Variants in MUC6 observed in about 807,000 individuals in gnomAD.
MUC6 encodes mucin 6, oligomeric mucus/gel-forming (gene/pseudogene).
In MUC6, 188 loss-of-function variants were observed where a neutral mutation model predicts 201.5. That is an observed-to-expected ratio of 0.93 (90% CI 0.83 to 1.05). The LOEUF (loss-of-function observed/expected upper bound fraction) is 1.05. MUC6 is among the 50% of genes least tolerant of loss of function. MUC6 has a pLI of 0.00. For synonymous variants in MUC6, 1,228 were observed against 1,389.4 expected, an observed-to-expected ratio of 0.88 and a Z score of 2.58; for missense variants, 2,706 against 3,256.9, an observed-to-expected ratio of 0.83 and a Z score of 4.12.
Position 1,024,942 on chromosome 11 carries a change from C to T in MUC6, c.3127G>A (p.Val1043Met), listed in dbSNP as rs756514181. ...GCATTGAGACTGCAGGGGTCTGTCA[C>T]GAAGCTCACGTCCCCGCACAGCGGG... ...ESPLCGDVSF[V>M]TDPCSLNAFR... Residue 1043 changes from valine to methionine, a missense_variant, in exon 24 of 33, where the codon GTG becomes ATG. By Grantham distance (21) the Val-to-Met change is conservative (BLOSUM62 1). Coordinates refer to ENST00000421673, the MANE Select transcript of MUC6 (RefSeq NM_005961.3). 70 of 1,612,886 alleles carry T rather than the reference C, an allele frequency of 4.3e-5. No individual in the cohort carries two copies. Among genetic ancestry groups the T allele is most frequent in the Admixed American group, 6.7e-5 (4 of 60,006 alleles).
intron 1 of MUC6, among the ~76,000 whole-genome samples, chr11:1,035,649 TG>T (rs1437934981): frequency 1.7e-5 from 2 of 120,382 alleles, no homozygotes; most frequent in African/African-American, 6.7e-5. Flanking sequence ...AGAGAAGGGG[TG>T]GGGTGGGCTT....
At chr11:1,035,005 CG>C (rs895775988) in intron 1 of MUC6, among the ~76,000 whole-genome samples, 2 of 152,238 alleles carry the variant, frequency 1.3e-5, no homozygotes, top group Non-Finnish European at 2.9e-5. Context: ...GGCATCTGGG[CG>C]GGTTGGTCCG....
intron 30 of MUC6, 72 bp downstream of exon 30, chr11:1,019,203 T>C: frequency 6.7e-7 from 1 of 1,485,300 alleles, no homozygotes. Context: ...TATGGCTGAA[T>C]CACTGAATGT....
At chr11:1,022,994 G>A (rs1856852803) in intron 26 of MUC6, among the ~76,000 whole-genome samples, 1 of 152,116 alleles carries the variant, frequency 6.6e-6, no homozygotes, top group Non-Finnish European at 1.5e-5. Flanking sequence ...ATGTGGGTGA[G>A]TAAATGTGTG....
chr11:1,019,965 C>T (rs775201816), intron 29 of MUC6, 125 bp downstream of exon 29: 52 of 1,264,652 alleles, frequency 4.1e-5, no homozygotes, highest in Middle Eastern at 1.8e-4. Context: ...GGAAGTTCTA[C>T]GCTGGGAATC....
In MUC6 at chr11:1,033,745, C is replaced by T. The variant is rs1201820084; in HGVS notation, c.53-670G>A. Reference sequence around the variant, plus strand: ...GCCAACACCCCCCACGTCCCACCCCCTGTACCCAGAGGGAGACTTTTCCCA... The same window carrying T: ...GCCAACACCCCCCACGTCCCACCCCTTGTACCCAGAGGGAGACTTTTCCCA... On this transcript the variant is annotated intron_variant, in intron 1 of 32. Coordinates refer to ENST00000421673, the MANE Select transcript of MUC6 (RefSeq NM_005961.3). This position sits in a 1 kb window ranked among gnomAD's most constrained non-coding sequence, Gnocchi z 5.6. Among the ~76,000 whole-genome samples the T allele has an allele frequency of 6.6e-6, 1 of 152,048 alleles. No homozygotes were observed. The highest frequency in any genetic ancestry group is 1.5e-5 in the Non-Finnish European group (1 of 67,950).
chr11:1,018,851 G>T, intron 30 of MUC6, 81 bp from the exon 31 acceptor site: 3 of 1,496,574 alleles, frequency 2.0e-6, no homozygotes, highest in Non-Finnish European at 2.7e-6. Context: ...TTTTGTCTAT[G>T]TGACCTTTTT....
At chr11:1,035,082 G>C (rs1226819208) in intron 1 of MUC6, among the ~76,000 whole-genome samples, 1 of 152,058 alleles carries the variant, frequency 6.6e-6, no homozygotes, top group Non-Finnish European at 1.5e-5. Flanking sequence ...CCTTCTGCAC[G>C]CTTGGCGGCC....
rs1370084498 is a variant in MUC6, at chr11:1,033,579, G to A, written c.53-504C>T. ...TCTAAACATGGCCGCTTTCCTGCAC[G>A]TCAGCCTTGAGACAGCCTTGATGTC... is the stretch of plus-strand genomic sequence containing the variant. On this transcript the variant is annotated intron_variant, in intron 1 of 32. Transcript: ENST00000421673. The surrounding 1 kb of genome is among the most constrained non-coding windows in gnomAD (Gnocchi z 5.6). 1.3e-5 allele frequency among the ~76,000 whole-genome samples: 2 copies of A among 152,070 alleles called. No homozygotes were observed. The highest frequency in any genetic ancestry group is 2.9e-5 in the Non-Finnish European group (2 of 67,974).
chr11:1,024,770 TCCCCGCCCCTTC>T, intron 24 of MUC6, 62 bp downstream of exon 24: 2 of 1,530,982 alleles, frequency 1.3e-6, no homozygotes, highest in East Asian at 4.8e-5. Flanking sequence ...GTGCCTGGCT[TCCCCGCCCCTTC>T]CCCCGCCCCC....
At chr11:1,036,284 G>A (rs1228170373) in intron 1 of MUC6, among the ~76,000 whole-genome samples, 3 of 152,154 alleles carry the variant, frequency 2.0e-5, no homozygotes, top group Admixed American at 1.3e-4. Context: ...CAGCACACCT[G>A]CCCACTGTTC....
rs950279662 is a variant in MUC6 at position 1,025,069 on chromosome 11, G to T, written c.3000C>A (p.Gly1000=). 6.2e-7 allele frequency: 1 copy of T among 1,612,796 alleles called. No homozygotes were observed. The highest frequency in any genetic ancestry group is 1.3e-5 in the African/African-American group (1 of 74,950). Residue 1000 remains glycine (G), a synonymous_variant, in exon 24 of 33, where the codon GGC becomes GGA. Coordinates refer to ENST00000421673, the MANE Select transcript of MUC6 (RefSeq NM_005961.3). ...TGTTCCCGTTGAAGTTGCCACACAA[G>T]CCGCAGAGGGGATCCTGCAGACGGT... is the stretch of plus-strand genomic sequence containing the variant. ...IARASQDPLC[G]LCGNFNGNMK...
Position 1,013,966 on chromosome 11 carries a change from T to C in MUC6, c.7075A>G (p.Thr2359Ala), listed in dbSNP as rs1231169890. The C allele has an allele frequency of 1.5e-5, 24 of 1,609,056 alleles. No homozygotes were observed. Among genetic ancestry groups the C allele is most frequent in the Non-Finnish European group, 2.0e-5 (24 of 1,178,396 alleles). The part of the protein sequence containing the change: ...CSVREQQEEI[T>A]FKGCMANVTV... ...ACGTTCGCCATGCACCCCTTGAACGTGATCTCCTCCTGCTGCTCCCGCACA... is the reference window on the plus strand; with the variant it reads ...ACGTTCGCCATGCACCCCTTGAACGCGATCTCCTCCTGCTGCTCCCGCACA... The change falls in exon 32 of 33, where the codon ACG becomes GCG. Residue 2359 changes from threonine (T) to alanine (A), a missense_variant. Around this residue, in one of 10 missense-constraint regions of MUC6, gnomAD observed 586 missense variants for 488.0 expected, o/e 1.20. Coordinates refer to ENST00000421673, the MANE Select transcript of MUC6 (RefSeq NM_005961.3).
intron 28 of MUC6, 100 bp downstream of exon 28, chr11:1,020,584 G>A: frequency 6.6e-7 from 1 of 1,516,370 alleles, no homozygotes; most frequent in South Asian, 1.1e-5. Context: ...GGTACTGCCT[G>A]CCCCCTCCCT....
Position 1,022,779 on chromosome 11 carries a change from A to G in MUC6, c.3526+730T>C, listed in dbSNP as rs1856845730. ...TGTGAAAGAATGAATGTGCAAATGA[A>G]TGCATGAATGTGCGTGTGTGTATGA... On this transcript the variant is annotated intron_variant, in intron 26 of 32. Coordinates refer to ENST00000421673, the MANE Select transcript of MUC6 (RefSeq NM_005961.3). Among the ~76,000 whole-genome samples, 4 of 151,980 alleles carry G rather than the reference A, an allele frequency of 2.6e-5. No homozygotes were observed. The South Asian group carries it at 8.3e-4, about 31-fold the overall frequency.
At chr11:1,024,268 G>A (rs1856896489) in intron 24 of MUC6, among the ~76,000 whole-genome samples, 165 bp from the exon 25 acceptor site, 1 of 152,174 alleles carries the variant, frequency 6.6e-6, no homozygotes, top group Admixed American at 6.5e-5. Context: ...CGCTAGCCAC[G>A]CTCCCGGAGC....
Position 1,016,653 on chromosome 11 carries a change from T to C in MUC6, c.6148A>G (p.Thr2050Ala). The change falls in exon 31 of 33, where the codon ACA (threonine) becomes GCA (alanine). Residue 2050 changes from threonine to alanine, a missense_variant. Coordinates refer to ENST00000421673, the MANE Select transcript of MUC6 (RefSeq NM_005961.3). ...STPTGTVPPP[T>A]TLKATGSTHT... ...GTGGACCCTGTGGCCTTGAGCGTTG[T>C]TGGTGGAGGAACGGTGCCTGTTGGC... 6.2e-7 allele frequency: 1 copy of C among 1,614,146 alleles called. No individual in the cohort carries two copies. Among genetic ancestry groups the C allele is most frequent in the Non-Finnish European group, 8.5e-7 (1 of 1,179,932 alleles).
At position 1,013,885 on chromosome 11, in the gene MUC6, A is replaced by G; in HGVS notation, c.7142+14T>C. 1 of 1,595,900 alleles carries G rather than the reference A, an allele frequency of 6.3e-7. No homozygotes were observed. On this transcript the variant is annotated intron_variant, in intron 32 of 32. Coordinates refer to ENST00000421673, the MANE Select transcript of MUC6 (RefSeq NM_005961.3). The stretch of plus-strand genomic sequence containing the variant: ...TTGGTGGACGTGGGGCAGGCCTCCC[A>G]CCTGTGGACTCACCTGGCAGCGGAA...
At position 1,015,995 on chromosome 11, in the gene MUC6, G is replaced by A. The variant is rs1351438944; in HGVS notation, c.6806C>T (p.Thr2269Ile). 4 of 1,602,614 alleles carry A rather than the reference G, an allele frequency of 2.5e-6. No homozygotes were observed. The highest frequency in any genetic ancestry group is 4.5e-5 in the East Asian group (2 of 44,686). ...GGTGAGAGAAGTGGACCGCGAGGTG[G>A]TGGACTGAGAGGAGAAGGCAGGGGC... Reference protein sequence around the residue: ...HTAPAFSSQSTTSRSTSLTTR... With the variant: ...HTAPAFSSQSITSRSTSLTTR... Residue 2269 changes from threonine to isoleucine, a missense_variant, in exon 31 of 33, where the codon ACC becomes ATC. By Grantham distance (89) the Thr-to-Ile change is moderately conservative. This residue lies in a region of MUC6 where 586 missense variants were observed against 488.0 expected (regional missense o/e 1.20). Transcript: ENST00000421673.
Sources: gnomAD v4.1 joint callset for allele counts (sites outside exome capture counted in the v4.1 genomes callset) on GRCh38, gnomAD v4.1.1 for gene constraint, gnomAD v4.1.1 regional missense constraint, Gnocchi (gnomAD v3.1) non-coding constraint, MANE v1.5 for transcripts, NCBI Gene and HGNC (gene_info 2026-07-23, HGNC 2026-07-21) for gene names.